KSR2: variants seen among roughly 807,000 people sequenced by gnomAD.
KSR2 encodes the protein kinase suppressor of ras 2.
In KSR2, 25 loss-of-function variants were observed where a neutral mutation model predicts 107.8. The ratio of observed to expected loss-of-function variants is 0.23; its 90% CI spans 0.17 to 0.32. KSR2 has a LOEUF of 0.32. KSR2 is among the 10% of genes least tolerant of loss of function. The pLI, the probability that KSR2 is intolerant of heterozygous loss-of-function variation, is 1.00. For synonymous variants in KSR2, 480 were observed against 507.0 expected (o/e 0.95, Z 0.71); for missense variants, 887 against 1,268.9 (o/e 0.70, Z 4.57).
intron 1 of KSR2, among the ~76,000 whole-genome samples, chr12:117,935,140 T>G (rs964918563): frequency 3.3e-5 from 5 of 151,576 alleles, no homozygotes; most frequent in African/African-American, 1.2e-4. Flanking sequence ...CTTATTCTTC[T>G]TCTTTTTTCA....
chr12:117,695,640 A>C (rs2136593300), intron 4 of KSR2, among the ~76,000 whole-genome samples: 1 of 151,736 alleles, frequency 6.6e-6, no homozygotes, highest in East Asian at 1.9e-4. Flanking sequence ...GAGCCCAGGA[A>C]GTTGAGACTG....
intron 5 of KSR2, among the ~76,000 whole-genome samples, chr12:117,651,476 G>A (rs144398396): frequency 6.6e-6 from 1 of 152,340 alleles, no homozygotes; most frequent in East Asian, 1.9e-4. Context: ...TATTAAGGGT[G>A]TGGGATAATG....
At chr12:117,612,942 T>C (rs568434499) in intron 5 of KSR2, among the ~76,000 whole-genome samples, 1 of 152,298 alleles carries the variant, frequency 6.6e-6, no homozygotes, top group Non-Finnish European at 1.5e-5. Flanking sequence ...TTGCTTCCCC[T>C]TTTCCTTCTG....
At chr12:117,855,350 C>T (rs531854197) in intron 3 of KSR2, 78 bp downstream of exon 3, 68 of 1,535,140 alleles carry the variant, frequency 4.4e-5, no homozygotes, top group African/African-American at 9.5e-5. Context: ...CCTGCAGTGG[C>T]GGGCACGGGA....
chr12:117,739,400 A>T (rs7956217), intron 4 of KSR2, among the ~76,000 whole-genome samples: 2 of 152,122 alleles, frequency 1.3e-5, no homozygotes, highest in Non-Finnish European at 2.9e-5. Flanking sequence ...ATTGCACTAC[A>T]ATGTTATGAC....
chr12:117,954,247 C>A (rs1233210215), intron 1 of KSR2, among the ~76,000 whole-genome samples: 1 of 152,182 alleles, frequency 6.6e-6, no homozygotes, highest in Admixed American at 6.5e-5. Flanking sequence ...AGGGTCCCCC[C>A]TACCTTTACA....
At chr12:117,774,547 G>A (rs868774205) in intron 3 of KSR2, among the ~76,000 whole-genome samples, 4 of 152,106 alleles carry the variant, frequency 2.6e-5, no homozygotes, top group South Asian at 4.2e-4. Context: ...TGCCTCCCAC[G>A]TCCTGCTCTA....
At chr12:117,960,014 C>T (rs976192665) in intron 1 of KSR2, among the ~76,000 whole-genome samples, 1 of 152,016 alleles carries the variant, frequency 6.6e-6, no homozygotes, top group Non-Finnish European at 1.5e-5. Flanking sequence ...CCACTGCGTC[C>T]CTCTTCATCC....
intron 5 of KSR2, among the ~76,000 whole-genome samples, chr12:117,648,787 C>A (rs992694724): frequency 6.6e-6 from 1 of 152,188 alleles, no homozygotes; most frequent in African/African-American, 2.4e-5. Flanking sequence ...ACATATCCAA[C>A]CAATCACGCC....
intron 3 of KSR2, among the ~76,000 whole-genome samples, chr12:117,824,493 G>A (rs1037703237): frequency 2.6e-5 from 4 of 152,088 alleles, no homozygotes; most frequent in Non-Finnish European, 5.9e-5. Flanking sequence ...CAAATTATAT[G>A]AATGTATTAA....
chr12:117,787,312 G>A (rs1186740318), intron 3 of KSR2, among the ~76,000 whole-genome samples: 2 of 152,190 alleles, frequency 1.3e-5, no homozygotes, highest in Non-Finnish European at 2.9e-5. Context: ...TGGAATGAAT[G>A]AGTAAATGGG....
At chr12:117,865,325 A>G (rs1019106081) in intron 1 of KSR2, among the ~76,000 whole-genome samples, 7 of 152,192 alleles carry the variant, frequency 4.6e-5, no homozygotes, top group Non-Finnish European at 1.0e-4. Flanking sequence ...AAGATATACA[A>G]ACTTACATCA....
At chr12:117,638,517 A>G (rs985814433) in intron 5 of KSR2, among the ~76,000 whole-genome samples, 10 of 93,330 alleles carry the variant, frequency 1.1e-4, no homozygotes, top group South Asian at 6.4e-4. Flanking sequence ...ATATTCAGGG[A>G]AAAAAAAAAA....
intron 14 of KSR2, among the ~76,000 whole-genome samples, chr12:117,509,252 C>A (rs1873888272): frequency 1.3e-5 from 2 of 152,144 alleles, no homozygotes; most frequent in Non-Finnish European, 2.9e-5. Context: ...AACGTGAATT[C>A]TTGGCCCCCT....
chr12:117,507,467 A>G (rs1269617352), intron 14 of KSR2, among the ~76,000 whole-genome samples: 3 of 152,266 alleles, frequency 2.0e-5, no homozygotes, highest in East Asian at 3.8e-4. Flanking sequence ...CTACTGAAAC[A>G]GCAACATAAA....
In KSR2 at chr12:117,594,113, CCT is replaced by C. The variant is rs1433410412; in HGVS notation, c.1172-11756_1172-11755del. Among the ~76,000 whole-genome samples, 4 of 152,164 alleles carry C rather than the reference CCT, an allele frequency of 2.6e-5. No homozygotes were observed. In the East Asian group the frequency reaches 5.8e-4, roughly 22 times the overall value. On this transcript the variant is annotated intron_variant, in intron 5 of 19. Coordinates refer to ENST00000339824, the MANE Select transcript of KSR2 (RefSeq NM_173598.6). ...GGAGTTGTCTGAGCTGAAATTCTCC[CCT>C]GATGGAAATATGATGTTTCTCATTA... is the stretch of plus-strand genomic sequence containing the variant.
intron 1 of KSR2, among the ~76,000 whole-genome samples, chr12:117,939,503 G>T (rs1895942181): frequency 6.6e-6 from 1 of 151,986 alleles, no homozygotes; most frequent in Non-Finnish European, 1.5e-5. Flanking sequence ...ATGTGGTCAG[G>T]AGTTCAAGAC....
In KSR2 at chr12:117,860,317, C is replaced by T. The variant is rs762807439; in HGVS notation, c.295G>A (p.Val99Ile). Residue 99 changes from valine (V) to isoleucine (I), a missense_variant, in exon 2 of 20, where the codon GTC (valine) becomes ATC (isoleucine). Val to Ile is a conservative substitution (Grantham distance 29, BLOSUM62 3). Coordinates refer to ENST00000339824, the MANE Select transcript of KSR2 (RefSeq NM_173598.6). ...TCCAGGACCTCCTTGCGCACATCGA[C>T]GATTCGGAACCAGTGCCGTAGCTGG... ...FPQLRHWFRI[V>I]DVRKEVLEEI... is the part of the protein sequence containing the mutation. The T allele has an allele frequency of 3.1e-6, 5 of 1,613,670 alleles. No individual in the cohort carries two copies. In the Admixed American group the frequency reaches 6.7e-5, roughly 22 times the overall value.
intron 14 of KSR2, among the ~76,000 whole-genome samples, chr12:117,509,530 T>C (rs1292431589): frequency 2.0e-5 from 3 of 152,210 alleles, no homozygotes; most frequent in African/African-American, 7.2e-5. Flanking sequence ...CAAGATAGAA[T>C]AATAATCCAC....
Sources: allele counts gnomAD v4.1 joint callset (sites outside exome capture counted in the v4.1 genomes callset), GRCh38; gene constraint gnomAD v4.1.1; transcripts MANE v1.5; gene names NCBI Gene and HGNC (gene_info 2026-07-23, HGNC 2026-07-21).